The following CPLANE1 variants were observed in gnomAD, a reference collection of about 807,000 sequenced individuals.
CPLANE1 encodes ciliogenesis and planar polarity effector 1.
Under a neutral mutation model 362.5 loss-of-function variants are expected in CPLANE1, and 263 were observed. That is an observed-to-expected ratio of 0.73 (90% CI 0.66 to 0.80). The LOEUF (loss-of-function observed/expected upper bound fraction) is 0.80. CPLANE1 is among the 30% of genes least tolerant of loss of function. CPLANE1 has a pLI of 0.00. For missense variants in CPLANE1, 3,461 were observed against 3,793.4 expected (o/e 0.91, Z 2.30); for synonymous variants, 1,212 against 1,302.6 (o/e 0.93, Z 1.50).
At chr5:37,207,119 T>C (rs1040987456) in intron 16 of CPLANE1, among the ~76,000 whole-genome samples, 4 of 152,196 alleles carry the variant, frequency 2.6e-5, no homozygotes, top group African/African-American at 7.2e-5. Flanking sequence ...TCTGTCCCTT[T>C]CCCTAATTGA....
At chr5:37,143,178 G>A (rs1185796126) in intron 43 of CPLANE1, among the ~76,000 whole-genome samples, 3 of 152,124 alleles carry the variant, frequency 2.0e-5, no homozygotes, top group East Asian at 1.9e-4. Flanking sequence ...CTACTTCAAC[G>A]ATAGCAAAAA....
intron 51 of CPLANE1, among the ~76,000 whole-genome samples, chr5:37,111,287 A>T (rs1229311526): frequency 7.2e-6 from 1 of 139,138 alleles, no homozygotes; most frequent in Non-Finnish European, 1.6e-5. Context: ...TGCCTAGCTA[A>T]TTTTTTTTTT....
chr5:37,229,769 A>G (rs1183336879), intron 9 of CPLANE1, among the ~76,000 whole-genome samples: 1 of 152,196 alleles, frequency 6.6e-6, no homozygotes, highest in Non-Finnish European at 1.5e-5. Context: ...ATTATGTATT[A>G]CCTTACTTCA....
chr5:37,213,297 T>C (rs1472827329), intron 16 of CPLANE1, among the ~76,000 whole-genome samples: 1 of 152,158 alleles, frequency 6.6e-6, no homozygotes, highest in Admixed American at 6.6e-5. Context: ...AAATAATTAA[T>C]AAATTAAAAT....
At chr5:37,165,039 G>A (rs937276677) in intron 36 of CPLANE1, among the ~76,000 whole-genome samples, 1 of 152,156 alleles carries the variant, frequency 6.6e-6, no homozygotes, top group African/African-American at 2.4e-5. Flanking sequence ...CCAGGAGGTA[G>A]AGGCTGCAGT....
Position 37,158,224 on chromosome 5 carries a change from C to CTGAATAAAACACA in CPLANE1, c.7811_7812insTGTGTTTTATTCA (p.Leu2604PhefsTer15). 6.2e-7 allele frequency: 1 copy of CTGAATAAAACACA among 1,612,762 alleles called. No individual in the cohort carries two copies. The highest frequency in any genetic ancestry group is 8.5e-7 in the Non-Finnish European group (1 of 1,179,300). The stretch of plus-strand genomic sequence containing the variant: ...TAAAACTTCTGAATAAAACACAAAC[C>CTGAATAAAACACA]AAGTTTGTTACTGTATGAGGTATTG... On this transcript the variant is annotated frameshift_variant and splice_region_variant, in exon 39 of 53. Transcript: ENST00000651892. LOFTEE classifies it high-confidence loss of function.
rs890543680 is a variant in CPLANE1, at chr5:37,209,359, G to C, written c.2921-2934C>G. On this transcript the variant is annotated intron_variant, in intron 16 of 52. Coordinates refer to ENST00000651892, the MANE Select transcript of CPLANE1 (RefSeq NM_001384732.1). The surrounding 1 kb of genome is among the most constrained non-coding windows in gnomAD (Gnocchi z 4.6). ...GAGGCGGGCTCCGGAGGAAGCTGAC[G>C]GCTGATGATGGCTCAGTCCAACATG... is the stretch of plus-strand genomic sequence containing the variant. The C allele has an allele frequency of 3.0e-6, 3 of 1,009,578 alleles. No homozygotes were observed. The highest frequency in any genetic ancestry group is 4.7e-6 in the Non-Finnish European group (3 of 632,312). 62.5% of individuals were successfully genotyped at this position (1,009,578 alleles called of 1,614,324 possible).
chr5:37,184,806 C>A lies in CPLANE1; in HGVS notation c.4463G>T (p.Arg1488Met). The A allele has an allele frequency of 1.2e-6, 2 of 1,611,346 alleles. No homozygotes were observed. The change falls in exon 25 of 53, where the codon AGG (arginine) becomes ATG (methionine). Residue 1488 changes from arginine to methionine, a missense_variant. This residue lies in a region of CPLANE1 where 3,380 missense variants were observed against 3,666.1 expected (regional missense o/e 0.92). Transcript: ENST00000651892. ...SEALSVEEKS[R>M]INIYQRNAPN... Reference sequence around the variant, plus strand: ...ATTGTACCTTTGATAGATATTTATCCTACTTTTTTCTTCAACCGACAAAGC... The same window carrying A: ...ATTGTACCTTTGATAGATATTTATCATACTTTTTTCTTCAACCGACAAAGC...
Position 37,168,832 on chromosome 5 carries a change from T to G in CPLANE1, c.7192A>C (p.Arg2398=). 1 of 1,613,550 alleles carries G rather than the reference T, an allele frequency of 6.2e-7. No individual in the cohort carries two copies. The highest frequency in any genetic ancestry group is 8.5e-7 in the Non-Finnish European group (1 of 1,179,846). ...AAATGTGAATGAAGTAATGACAATC[T>G]TGGGTATTTTCTTTCTTCTGCTATA... ...QPIAEERKYP[R]LSLLHSHLSP... Residue 2398 remains arginine, a synonymous_variant, in exon 34 of 53, where the codon AGA becomes CGA. Coordinates refer to ENST00000651892, the MANE Select transcript of CPLANE1 (RefSeq NM_001384732.1).
rs1015771684 is a variant in CPLANE1, at chr5:37,139,974, A to G, written c.8633-604T>C. On this transcript the variant is annotated intron_variant, in intron 44 of 52. Coordinates refer to ENST00000651892, the MANE Select transcript of CPLANE1 (RefSeq NM_001384732.1). The stretch of plus-strand genomic sequence containing the variant: ...CAATTTACTTTATAAAATATACACA[A>G]ACAAAAAACAAATCTCTGGTGATCT... 12 of 966,670 alleles carry G rather than the reference A, an allele frequency of 1.2e-5. No homozygotes were observed. In the African/African-American group the frequency reaches 2.1e-4, roughly 17 times the overall value. 59.9% of individuals were successfully genotyped at this position (966,670 alleles called of 1,614,324 possible). A position where few individuals can be genotyped will look rare whatever the true frequency, so the allele number is the denominator to read the frequency against.
intron 32 of CPLANE1, among the ~76,000 whole-genome samples, chr5:37,170,829 G>C (rs772258850): frequency 1.9e-4 from 29 of 152,248 alleles, no homozygotes; most frequent in Middle Eastern, 3.4e-3. Context: ...CCAACTACTC[G>C]GGAAGCTGAG....
At chr5:37,217,326 C>T (rs1007782764) in intron 15 of CPLANE1, among the ~76,000 whole-genome samples, 8 of 151,982 alleles carry the variant, frequency 5.3e-5, no homozygotes, top group African/African-American at 1.9e-4. Flanking sequence ...TAAATCTCGA[C>T]CGGGTGCAGT....
chr5:37,159,026 C>A (rs993226322), intron 38 of CPLANE1, among the ~76,000 whole-genome samples: 2 of 150,736 alleles, frequency 1.3e-5, no homozygotes, highest in African/African-American at 2.4e-5. Flanking sequence ...CCTCGTGATC[C>A]GCCCGCCTCA....
chr5:37,239,797 T>A lies in CPLANE1; in HGVS notation c.750A>T (p.Ser250=). 6.5e-7 allele frequency: 1 copy of A among 1,547,186 alleles called. No homozygotes were observed. Among genetic ancestry groups the A allele is most frequent in the Non-Finnish European group, 8.7e-7 (1 of 1,144,366 alleles). ...HLCSLIPKCE[S]VKSRGALISA... The stretch of plus-strand genomic sequence containing the variant: ...AAATTAGAGCTCCTCTTGACTTTAC[T>A]GATTCACATTTAGGAATTAAACTAC... The change falls in exon 7 of 53, where the codon TCA becomes TCT. Residue 250 remains serine (S), a synonymous_variant. Transcript: ENST00000651892.
At chr5:37,077,420 T>C in the CPLANE1 span, among the ~76,000 whole-genome samples, 2 of 152,192 alleles carry the variant, frequency 1.3e-5, no homozygotes, top group Non-Finnish European at 2.9e-5. Context: ...GCTGCTTTTG[T>C]CTTCTGTCTT....
chr5:37,187,950 C>A, intron 21 of CPLANE1, 108 bp from the exon 22 acceptor site: 1 of 623,024 alleles, frequency 1.6e-6, no homozygotes. Flanking sequence ...GTCTTTATTT[C>A]ATTCATTATA....
chr5:37,194,578 C>T (rs1467831744), intron 21 of CPLANE1, among the ~76,000 whole-genome samples: 1 of 151,942 alleles, frequency 6.6e-6, no homozygotes, highest in Non-Finnish European at 1.5e-5. Context: ...CATTTCAATG[C>T]CGTTTCGGTT....
intron 9 of CPLANE1, 85 bp downstream of exon 9, chr5:37,230,782 T>C: frequency 1.1e-6 from 1 of 908,638 alleles, no homozygotes; most frequent in South Asian, 3.7e-5. Flanking sequence ...ATTTGAAAGA[T>C]GAAATTTTTT....
chr5:37,229,216 C>CAAAAAAAAAAAAAAAAAAAAAA (rs35861833), intron 9 of CPLANE1, among the ~76,000 whole-genome samples: 2 of 90,828 alleles, frequency 2.2e-5, no homozygotes, highest in African/African-American at 4.0e-5. Context: ...GACTCGGTCT[C>CAAAAAAAAAAAAAAAAAAAAAA]AAAAAAAAAA....
Sources: allele counts gnomAD v4.1 joint callset (sites outside exome capture counted in the v4.1 genomes callset), GRCh38; gene constraint gnomAD v4.1.1; regional missense constraint gnomAD v4.1.1; non-coding constraint Gnocchi (gnomAD v3.1); transcripts MANE v1.5; gene names NCBI Gene and HGNC (gene_info 2026-07-23, HGNC 2026-07-21).